Variants in PTPRM observed in about 807,000 individuals in gnomAD.
PTPRM encodes the protein protein tyrosine phosphatase receptor type M, also known as receptor-type tyrosine-protein phosphatase mu.
Under a neutral mutation model 186.7 loss-of-function variants are expected in PTPRM, and 47 were observed. The ratio of observed to expected loss-of-function variants is 0.25; its 90% CI spans 0.20 to 0.32. The LOEUF (loss-of-function observed/expected upper bound fraction) is 0.32, where lower values mean the gene tolerates loss of function less well. PTPRM is among the 10% of genes least tolerant of loss of function. PTPRM has a pLI of 1.00. For missense variants in PTPRM, 1,494 were observed against 1,865.0 expected, an observed-to-expected ratio of 0.80 and a Z score of 3.66; for synonymous variants, 668 against 674.9, an observed-to-expected ratio of 0.99 and a Z score of 0.16.
intron 1 of PTPRM, among the ~76,000 whole-genome samples, chr18:7,730,982 C>T (rs1450929304): frequency 2.0e-5 from 3 of 152,186 alleles, no homozygotes; most frequent in African/African-American, 7.2e-5. Context: ...AACACAGACT[C>T]TGCCTGGAAA....
At chr18:7,630,209 G>C (rs2038158692) in intron 1 of PTPRM, among the ~76,000 whole-genome samples, 1 of 152,186 alleles carries the variant, frequency 6.6e-6, no homozygotes, top group Admixed American at 6.6e-5. Context: ...GAGGGAGCAG[G>C]AAGAGTGTTA....
intron 7 of PTPRM, among the ~76,000 whole-genome samples, chr18:8,012,309 G>C (rs2084580514): frequency 6.6e-6 from 1 of 152,088 alleles, no homozygotes; most frequent in African/African-American, 2.4e-5. Context: ...TGTTTCCAGA[G>C]GCTCTAAAGG....
intron 7 of PTPRM, among the ~76,000 whole-genome samples, chr18:8,038,594 G>C (rs1339193621): frequency 2.6e-5 from 4 of 152,092 alleles, no homozygotes; most frequent in Non-Finnish European, 5.9e-5. Context: ...GTTTCAACTT[G>C]TTGGCCAGGC....
chr18:7,818,259 T>C (rs192790497), intron 2 of PTPRM, among the ~76,000 whole-genome samples: 2 of 152,204 alleles, frequency 1.3e-5, no homozygotes, highest in African/African-American at 4.8e-5. Context: ...AAGAAACTAG[T>C]ATTAATTTCT....
intron 1 of PTPRM, among the ~76,000 whole-genome samples, chr18:7,605,836 C>G (rs536666978): frequency 6.6e-6 from 1 of 152,162 alleles, no homozygotes; most frequent in African/African-American, 2.4e-5. Flanking sequence ...AAGTCCTCCT[C>G]TCCTACTTAA....
At chr18:7,833,896 T>C (rs1239776877) in intron 2 of PTPRM, among the ~76,000 whole-genome samples, 5 of 152,222 alleles carry the variant, frequency 3.3e-5, no homozygotes, top group Non-Finnish European at 7.3e-5. Flanking sequence ...AATATATCTA[T>C]CATCTGCAGA....
intron 7 of PTPRM, among the ~76,000 whole-genome samples, chr18:8,010,054 A>T (rs572614859): frequency 1.3e-5 from 2 of 152,224 alleles, no homozygotes; most frequent in African/African-American, 4.8e-5. Context: ...ATATGTAAGT[A>T]TCTGTTCCAT....
chr18:8,066,016 A>G (rs949353407), intron 7 of PTPRM, among the ~76,000 whole-genome samples: 2 of 152,218 alleles, frequency 1.3e-5, no homozygotes, highest in Admixed American at 1.3e-4. Context: ...ATTCACAGTT[A>G]GTAGCACACT....
chr18:8,169,782 C>T (rs1226959758), intron 14 of PTPRM, among the ~76,000 whole-genome samples: 1 of 152,004 alleles, frequency 6.6e-6, no homozygotes, highest in Non-Finnish European at 1.5e-5. Flanking sequence ...ACAAATTTTC[C>T]AAGATGTTAT....
At chr18:8,318,781 T>C (rs1201923852) in intron 21 of PTPRM, among the ~76,000 whole-genome samples, 1 of 152,272 alleles carries the variant, frequency 6.6e-6, no homozygotes, top group African/African-American at 2.4e-5. Context: ...TATACCAGTA[T>C]AACAGAATGT....
intron 23 of PTPRM, among the ~76,000 whole-genome samples, chr18:8,346,069 T>G (rs2095503285): frequency 6.6e-6 from 1 of 152,248 alleles, no homozygotes; most frequent in Non-Finnish European, 1.5e-5. Flanking sequence ...TTTCTTTCTT[T>G]CAATGATGTC....
intron 23 of PTPRM, among the ~76,000 whole-genome samples, chr18:8,361,350 A>T (rs959142672): frequency 2.6e-5 from 4 of 152,184 alleles, no homozygotes; most frequent in African/African-American, 9.7e-5. Flanking sequence ...GGAGCTCTAT[A>T]CTGAGTGCTG....
At chr18:8,115,197 A>G (rs2091907711) in intron 13 of PTPRM, among the ~76,000 whole-genome samples, 1 of 152,188 alleles carries the variant, frequency 6.6e-6, no homozygotes. Context: ...TATGCAAAGG[A>G]ATAAAATATC....
chr18:7,807,232 A>T (rs928647300), intron 2 of PTPRM, among the ~76,000 whole-genome samples: 9 of 152,172 alleles, frequency 5.9e-5, no homozygotes, highest in African/African-American at 1.9e-4. Flanking sequence ...TAGATTTGTG[A>T]TGAGATGTTT....
intron 6 of PTPRM, among the ~76,000 whole-genome samples, chr18:7,954,056 T>C (rs1393238256): frequency 6.6e-6 from 1 of 152,194 alleles, no homozygotes; most frequent in Non-Finnish European, 1.5e-5. Context: ...TTTTGTACAA[T>C]GATCTCATTT....
intron 1 of PTPRM, among the ~76,000 whole-genome samples, chr18:7,704,725 G>A (rs2040039970): frequency 6.6e-6 from 1 of 152,000 alleles, no homozygotes; most frequent in Non-Finnish European, 1.5e-5. Flanking sequence ...CGGAAATATG[G>A]TATCTTTATA....
intron 32 of PTPRM, among the ~76,000 whole-genome samples, chr18:8,399,539 A>C (rs374248504): frequency 6.6e-6 from 1 of 152,226 alleles, no homozygotes; most frequent in East Asian, 1.9e-4. Context: ...AACAAAAAAG[A>C]ATACTGTTCA....
intron 17 of PTPRM, among the ~76,000 whole-genome samples, chr18:8,250,673 C>A (rs1259999380): frequency 6.6e-6 from 1 of 151,514 alleles, no homozygotes; most frequent in Non-Finnish European, 1.5e-5. Context: ...CCTGTATTCC[C>A]AGCTACTCAA....
Position 8,076,547 on chromosome 18 carries a change from G to A in PTPRM, c.1534G>A (p.Val512Ile), listed in dbSNP as rs753248058. 15 of 1,565,584 alleles carry A rather than the reference G, an allele frequency of 9.6e-6. 1 individual carries two copies. In the South Asian group the frequency reaches 1.6e-4, roughly 16 times the overall value. Residue 512 changes from valine to isoleucine, a missense_variant, in exon 9 of 33, where the codon GTA becomes ATA. Around this residue, in one of 3 missense-constraint regions of PTPRM, gnomAD observed 1,107 missense variants for 1,350.2 expected, o/e 0.82. Transcript: ENST00000580170. ...QWREPTQTYG[V>I]ITLYEITYKA... ...GAGAGAACCAACTCAAACATATGGT[G>A]TAATCACTTTATATGAGGTAATATA...
Sources: gnomAD v4.1 joint callset for allele counts (sites outside exome capture counted in the v4.1 genomes callset) on GRCh38, gnomAD v4.1.1 for gene constraint, gnomAD v4.1.1 regional missense constraint, MANE v1.5 for transcripts, NCBI Gene and HGNC (gene_info 2026-07-23, HGNC 2026-07-21) for gene names.